The following FBXW10 variants were observed in gnomAD, a reference collection of about 807,000 sequenced individuals.
FBXW10 encodes the protein F-box/WD repeat-containing protein 10.
Under a neutral mutation model 113.1 loss-of-function variants are expected in FBXW10, and 68 were observed. The ratio of observed to expected loss-of-function variants is 0.60; its 90% CI spans 0.49 to 0.74. FBXW10 has a LOEUF of 0.74. Ranked by LOEUF, FBXW10 falls within the 30% of genes least tolerant of loss-of-function variation. FBXW10 has a pLI of 0.00. For missense variants in FBXW10, 753 were observed against 1,284.5 expected (o/e 0.59, Z 6.32); for synonymous variants, 289 against 481.6 (o/e 0.60, Z 5.24).
At chr17:18,752,621 G>A (rs2035190834) in intron 5 of FBXW10, among the ~76,000 whole-genome samples, 1 of 151,736 alleles carries the variant, frequency 6.6e-6, no homozygotes, top group East Asian at 1.9e-4. Context: ...GCTGAGGCAG[G>A]AGAATGGTGT....
chr17:18,772,683 G>A lies in FBXW10; in HGVS notation c.2278G>A (p.Ala760Thr). ...VLLKPAKFSS[A>T]VLIEELQSQG... Reference sequence around the variant, plus strand: ...CCTGAAGCCGGCCAAGTTCTCTTCAGGTAAAAAACTGAAATACCAGCAAGT... The same window carrying A: ...CCTGAAGCCGGCCAAGTTCTCTTCAAGTAAAAAACTGAAATACCAGCAAGT... The change falls in exon 12 of 14, where the codon GCA becomes ACA. Residue 760 changes from alanine (A) to threonine (T), a missense_variant and splice_region_variant. By Grantham distance (58) the Ala-to-Thr change is moderately conservative. Transcript: ENST00000395665. The A allele has an allele frequency of 6.2e-7, 1 of 1,605,812 alleles. No individual in the cohort carries two copies. Among genetic ancestry groups the A allele is most frequent in the South Asian group, 1.1e-5 (1 of 89,400 alleles).
rs147519900 is a variant in FBXW10 at position 18,778,780 on chromosome 17, C to T, written c.2641C>T (p.Arg881Ter). 1.2e-4 allele frequency: 196 copies of T among 1,613,646 alleles called. No individual in the cohort carries two copies. Among genetic ancestry groups the T allele is most frequent in the Non-Finnish European group, 1.5e-4 (178 of 1,179,808 alleles). The change falls in exon 14 of 14, where the codon CGA becomes TGA. Residue 881 changes from arginine (R) to a stop codon, truncating the protein, a stop_gained. Transcript: ENST00000395665. LOFTEE classifies it high-confidence loss of function. ...RLSNPPIDVK[R>*]TSIPLEIQKL... ...GAGCAATCCTCCTATAGATGTGAAA[C>T]GAACCAGTATTCCCCTTGAAATCCA...
chr17:18,775,880 A>G (rs976732830), intron 13 of FBXW10, among the ~76,000 whole-genome samples: 1 of 152,150 alleles, frequency 6.6e-6, no homozygotes, highest in African/African-American at 2.4e-5. Context: ...AATTCAAAAA[A>G]TTGGCCAGAT....
Position 18,778,981 on chromosome 17 carries a change from A to G in FBXW10, c.2842A>G (p.Ile948Val). The change falls in exon 14 of 14, where the codon ATT becomes GTT. Residue 948 changes from isoleucine to valine, a missense_variant. By Grantham distance (29) the Ile-to-Val change is conservative. Transcript: ENST00000395665. ...GGGTCCCCTGACCAGTATGCAGGTC[A>G]TTAAACCAAACCGCATGCTAGCTCC... ...STGPLTSMQVIKPNRMLAPQV... is the reference protein window; with the variant it reads ...STGPLTSMQVVKPNRMLAPQV... 1 of 1,604,962 alleles carries G rather than the reference A, an allele frequency of 6.2e-7. No individual in the cohort carries two copies. Among genetic ancestry groups the G allele is most frequent in the Non-Finnish European group, 8.5e-7 (1 of 1,175,144 alleles).
chr17:18,770,532 G>A (rs1193110362), intron 11 of FBXW10, among the ~76,000 whole-genome samples: 27 of 150,558 alleles, frequency 1.8e-4, no homozygotes, highest in African/African-American at 6.1e-4. Flanking sequence ...TTGAACTCCC[G>A]ACCTCGTGAT....
chr17:18,745,171 A>C, intron 1 of FBXW10: 1 of 1,015,740 alleles, frequency 9.8e-7, no homozygotes, highest in Non-Finnish European at 1.2e-6. Context: ...CCAGACCAAG[A>C]AGTCAAAACT....
chr17:18,763,159 T>C (rs931717542), intron 7 of FBXW10, among the ~76,000 whole-genome samples: 2 of 141,122 alleles, frequency 1.4e-5, no homozygotes, highest in African/African-American at 5.3e-5. Flanking sequence ...GTAAGTACAA[T>C]TTTTTTTTTT....
intron 11 of FBXW10, among the ~76,000 whole-genome samples, chr17:18,770,584 G>C (rs1320141646): frequency 5.9e-5 from 9 of 152,128 alleles, no homozygotes; most frequent in Non-Finnish European, 1.0e-4. Flanking sequence ...TTACAGGTGT[G>C]AGCCACCACG....
intron 5 of FBXW10, 140 bp from the exon 6 acceptor site, chr17:18,755,905 T>C (rs1597592409): frequency 1.0e-5 from 7 of 698,112 alleles, no homozygotes; most frequent in Non-Finnish European, 1.7e-5. Context: ...GGCTGCTCCC[T>C]TCTCTGCAGA....
In FBXW10 at chr17:18,779,177, T is replaced by A. The variant is rs373632534; in HGVS notation, c.3038T>A (p.Val1013Asp). 7 of 1,324,918 alleles carry A rather than the reference T, an allele frequency of 5.3e-6. 2 individuals carry two copies. In the Admixed American group the frequency reaches 7.7e-5, roughly 15 times the overall value. The allele number at this position is 1,324,918 out of a possible 1,614,324, so 82.1% of individuals were successfully genotyped here. A position where few individuals can be genotyped will look rare whatever the true frequency, so the allele number is the denominator to read the frequency against. ...CAGGCCAGGGAGTCCACTGGAGTGG[T>A]TGATCCAGGAAAAGTCAGCAAAGCT... ...EYQARESTGV[V>D]DPGKVSKAAW... The change falls in exon 14 of 14, where the codon GTT becomes GAT. Residue 1013 changes from valine (V) to aspartate (D), a missense_variant. Coordinates refer to ENST00000395665, the MANE Select transcript of FBXW10 (RefSeq NM_001267585.2).
intron 5 of FBXW10, among the ~76,000 whole-genome samples, chr17:18,752,645 A>G (rs9912804): frequency 6.6e-6 from 1 of 151,496 alleles, no homozygotes; most frequent in Non-Finnish European, 1.5e-5. Flanking sequence ...CCCGGGAGGC[A>G]GAGCTTGCAG....
At chr17:18,748,186 G>T in intron 2 of FBXW10, 81 bp downstream of exon 2, 1 of 1,578,938 alleles carries the variant, frequency 6.3e-7, no homozygotes, top group Non-Finnish European at 8.6e-7. Flanking sequence ...TTGGGAGGCC[G>T]AGGCAAGCAG....
intron 13 of FBXW10, among the ~76,000 whole-genome samples, chr17:18,777,703 C>T (rs1281275301): frequency 1.3e-5 from 2 of 151,610 alleles, no homozygotes; most frequent in African/African-American, 2.4e-5. Flanking sequence ...GCCGCCATGC[C>T]GGGCTAATTT....
At chr17:18,769,315 T>C (rs1406381887) in intron 10 of FBXW10, among the ~76,000 whole-genome samples, 4 of 152,146 alleles carry the variant, frequency 2.6e-5, no homozygotes, top group African/African-American at 9.7e-5. Flanking sequence ...AGGAATCAAA[T>C]TGCAAGAGAC....
At chr17:18,768,051 C>CTTCCTTCT (rs1257481213) in intron 9 of FBXW10, among the ~76,000 whole-genome samples, 5 of 91,780 alleles carry the variant, frequency 5.4e-5, no homozygotes, top group South Asian at 4.4e-4. Flanking sequence ...TCCTTCCTTC[C>CTTCCTTCT]TTCTTTCTTT....
Position 18,751,071 on chromosome 17 carries a change from C to G in FBXW10, c.1122+18C>G. ...GAACGAAGGTGGGTTCCAACAGCAT[C>G]TGGGGCAAGTAGCTGTGAGCGTCTC... On this transcript the variant is annotated intron_variant, in intron 5 of 13. Coordinates refer to ENST00000395665, the MANE Select transcript of FBXW10 (RefSeq NM_001267585.2). 6.2e-7 allele frequency: 1 copy of G among 1,613,692 alleles called. No individual in the cohort carries two copies. Among genetic ancestry groups the G allele is most frequent in the South Asian group, 1.1e-5 (1 of 91,068 alleles).
chr17:18,748,408 C>CAAAAAAAAAA (rs57336039), intron 2 of FBXW10, among the ~76,000 whole-genome samples: 10 of 51,426 alleles, frequency 1.9e-4, no homozygotes, highest in East Asian at 1.0e-3. Context: ...GAGACTGTCT[C>CAAAAAAAAAA]AAAAAAAAAA....
chr17:18,765,606 T>C (rs1223479067), intron 8 of FBXW10, among the ~76,000 whole-genome samples: 4 of 152,102 alleles, frequency 2.6e-5, no homozygotes, highest in Non-Finnish European at 5.9e-5. Context: ...TCAACTCTGG[T>C]TGTTGTTATA....
At chr17:18,768,814 C>A in intron 10 of FBXW10, 138 bp downstream of exon 10, 2 of 899,162 alleles carry the variant, frequency 2.2e-6, no homozygotes, top group East Asian at 2.6e-5. Flanking sequence ...TGCTTCCCTC[C>A]TCTTCCACCT....
Sources: allele counts gnomAD v4.1 joint callset (sites outside exome capture counted in the v4.1 genomes callset), GRCh38; gene constraint gnomAD v4.1.1; transcripts MANE v1.5; gene names NCBI Gene and HGNC (gene_info 2026-07-23, HGNC 2026-07-21).